SPAG6: variants seen among roughly 807,000 people sequenced by gnomAD.
SPAG6 encodes the protein sperm-associated antigen 6.
SPAG6 carries 49 observed loss-of-function variants against 58.5 expected under a neutral mutation model. The observed-to-expected ratio is 0.84, with a 90% CI of 0.67 to 1.06. SPAG6 has a LOEUF of 1.06. SPAG6 is among the 50% of genes least tolerant of loss of function. The pLI is 0.00. For missense variants in SPAG6, 560 were observed against 611.3 expected (o/e 0.92, Z 0.89); for synonymous variants, 233 against 225.6 (o/e 1.03, Z -0.29).
At chr10:22,358,435 T>C (rs1023791522) in intron 2 of SPAG6, among the ~76,000 whole-genome samples, 1 of 152,128 alleles carries the variant, frequency 6.6e-6, no homozygotes, top group Non-Finnish European at 1.5e-5. Context: ...TGGGGTTGTT[T>C]TTTTCTTGTA....
At chr10:22,354,413 T>C (rs1407643469) in intron 2 of SPAG6, among the ~76,000 whole-genome samples, 1 of 152,094 alleles carries the variant, frequency 6.6e-6, no homozygotes, top group East Asian at 1.9e-4. Context: ...GAAATTGTGA[T>C]TTTACTCTTC....
At chr10:22,364,815 A>C (rs774819632) in intron 2 of SPAG6, 38 bp from the exon 3 acceptor site, 1 of 1,539,482 alleles carries the variant, frequency 6.5e-7, no homozygotes, top group South Asian at 1.2e-5. Flanking sequence ...TTTTAATTTA[A>C]ATTTTCCTGA....
chr10:22,415,628 C>T (rs756859571), intron 10 of SPAG6, among the ~76,000 whole-genome samples: 2 of 152,016 alleles, frequency 1.3e-5, no homozygotes, highest in African/African-American at 2.4e-5. Flanking sequence ...ATTTTTTGGT[C>T]CACCTTAGCT....
chr10:22,383,783 G>A (rs192805626), intron 4 of SPAG6, among the ~76,000 whole-genome samples: 1 of 152,292 alleles, frequency 6.6e-6, no homozygotes, highest in East Asian at 1.9e-4. Context: ...CTCTGTACTT[G>A]TAGTGGCCTG....
In SPAG6 at chr10:22,386,864, G is replaced by C. The variant is rs1472458377; in HGVS notation, c.583G>C (p.Ala195Pro). 1.9e-6 allele frequency: 3 copies of C among 1,613,584 alleles called. No homozygotes were observed. The highest frequency in any genetic ancestry group is 2.5e-6 in the Non-Finnish European group (3 of 1,179,754). Residue 195 changes from alanine (A) to proline (P), a missense_variant, in exon 5 of 11, where the codon GCA becomes CCA. By Grantham distance (27) the Ala-to-Pro change is conservative. Coordinates refer to ENST00000376624, the MANE Select transcript of SPAG6 (RefSeq NM_012443.4). ...RIAASALSDI[A>P]KHSPELAQTV... is the part of the protein sequence containing the mutation. ...TGCTGCTTCGGCCCTCAGTGATATTGCAAAGCATTCTCCAGAGTTAGCACA... is the reference window on the plus strand; with the variant it reads ...TGCTGCTTCGGCCCTCAGTGATATTCCAAAGCATTCTCCAGAGTTAGCACA...
chr10:22,388,136 T>C (rs1278164879), intron 6 of SPAG6, 140 bp downstream of exon 6: 1 of 669,246 alleles, frequency 1.5e-6, no homozygotes, highest in East Asian at 2.8e-5. Flanking sequence ...ACTGATGTTT[T>C]GGACTGGGTA....
intron 10 of SPAG6, among the ~76,000 whole-genome samples, chr10:22,416,265 C>G (rs1040947514): frequency 6.6e-6 from 1 of 151,884 alleles, no homozygotes; most frequent in Admixed American, 6.6e-5. Flanking sequence ...AAAAAAAAAT[C>G]TATTAGCTAG....
chr10:22,412,047 C>A (rs1441826990), intron 10 of SPAG6, among the ~76,000 whole-genome samples: 1 of 152,018 alleles, frequency 6.6e-6, no homozygotes, highest in Non-Finnish European at 1.5e-5. Flanking sequence ...GACGGGGTTT[C>A]ACCGTGTTAG....
At position 22,346,066 on chromosome 10, in the gene SPAG6, T is replaced by C. The variant is rs187063230; in HGVS notation, c.121+248T>C. Reference sequence around the variant, plus strand: ...ACACAGGCAAGTGTCAGGTTGAAAGTCGAGGCCCTAGGAATTGCCTGGAGT... The same window carrying C: ...ACACAGGCAAGTGTCAGGTTGAAAGCCGAGGCCCTAGGAATTGCCTGGAGT... On this transcript the variant is annotated intron_variant, in intron 2 of 10. Transcript: ENST00000376624. The C allele has an allele frequency of 3.3e-6, 5 of 1,526,828 alleles. No homozygotes were observed. The African/African-American group carries it at 6.9e-5, about 21-fold the overall frequency. 94.6% of individuals were successfully genotyped at this position (1,526,828 alleles called of 1,614,324 possible). A position where few individuals can be genotyped will look rare whatever the true frequency, so the allele number is the denominator to read the frequency against.
At chr10:22,399,874 G>T (rs1235237877) in intron 8 of SPAG6, among the ~76,000 whole-genome samples, 1 of 152,110 alleles carries the variant, frequency 6.6e-6, no homozygotes, top group African/African-American at 2.4e-5. Context: ...AAGTATGTTG[G>T]GAATTGAGAG....
chr10:22,356,563 A>G (rs940036877), intron 2 of SPAG6, among the ~76,000 whole-genome samples: 6 of 152,076 alleles, frequency 3.9e-5, no homozygotes, highest in East Asian at 1.9e-4. Flanking sequence ...ATCTCTTGCT[A>G]CCTCACTCCT....
intron 2 of SPAG6, among the ~76,000 whole-genome samples, chr10:22,349,377 A>G (rs1403787621): frequency 6.6e-6 from 1 of 152,240 alleles, no homozygotes; most frequent in East Asian, 1.9e-4. Flanking sequence ...ACAAATTTTG[A>G]TACTTCCCGT....
chr10:22,378,055 CTTTTT>C (rs776198268), intron 4 of SPAG6, among the ~76,000 whole-genome samples: 4 of 123,008 alleles, frequency 3.3e-5, no homozygotes, highest in East Asian at 2.3e-4. Context: ...CTTTTCTTTT[CTTTTT>C]TTTTTTTTTT....
chr10:22,415,965 A>G (rs139585305), intron 10 of SPAG6, among the ~76,000 whole-genome samples: 1 of 152,286 alleles, frequency 6.6e-6, no homozygotes, highest in Non-Finnish European at 1.5e-5. Context: ...TAAATCTTGT[A>G]TAAAATGTTC....
rs778508160 is a variant in SPAG6 at position 22,345,919 on chromosome 10, G to C, written c.121+101G>C. ...TGGAGCTCTTGGGGAGCCGCAGTGT[G>C]GGGACCGGAGTTCGCAAAAGCATCC... On this transcript the variant is annotated intron_variant, in intron 2 of 10. Transcript: ENST00000376624. The surrounding 1 kb of genome is among the most constrained non-coding windows in gnomAD (Gnocchi z 6.3). 6.4e-7 allele frequency: 1 copy of C among 1,572,080 alleles called. No homozygotes were observed. The highest frequency in any genetic ancestry group is 1.9e-5 in the Admixed American group (1 of 53,824).
chr10:22,380,910 T>C (rs1833938511), intron 4 of SPAG6, among the ~76,000 whole-genome samples: 2 of 152,116 alleles, frequency 1.3e-5, no homozygotes, highest in African/African-American at 4.8e-5. Flanking sequence ...ATTTTTTTCT[T>C]TTTTCTTTTT....
chr10:22,358,884 A>G (rs542777009), intron 2 of SPAG6, among the ~76,000 whole-genome samples: 15 of 152,294 alleles, frequency 9.8e-5, no homozygotes, highest in African/African-American at 3.4e-4. Context: ...TAATCTTCCT[A>G]GAACTTTAGA....
rs538120135 is a variant in SPAG6 at position 22,401,057 on chromosome 10, A to T, written c.1198-104A>T. 2.9e-4 allele frequency: 200 copies of T among 689,628 alleles called. 1 individual carries two copies. In the African/African-American group the frequency reaches 3.3e-3, roughly 11 times the overall value. The allele number at this position is 689,628 out of a possible 1,614,324, so 42.7% of individuals were successfully genotyped here. On this transcript the variant is annotated intron_variant, in intron 8 of 10. Transcript: ENST00000376624. ...AAATGAAACAACTGCAGCTTAGACC[A>T]GGAAATTGATTTTATTTTGAAATTC...
chr10:22,357,663 C>T (rs1836905665), intron 2 of SPAG6, among the ~76,000 whole-genome samples: 1 of 151,128 alleles, frequency 6.6e-6, no homozygotes, highest in South Asian at 2.1e-4. Context: ...ATACATGTGC[C>T]GTGCTGGTGT....
Sources: gnomAD v4.1 joint callset for allele counts (sites outside exome capture counted in the v4.1 genomes callset) on GRCh38, gnomAD v4.1.1 for gene constraint, Gnocchi (gnomAD v3.1) non-coding constraint, MANE v1.5 for transcripts, NCBI Gene and HGNC (gene_info 2026-07-23, HGNC 2026-07-21) for gene names.